GRID2: variants seen among roughly 807,000 people sequenced by gnomAD.
The protein encoded by GRID2 is glutamate ionotropic receptor delta type subunit 2, also known as glutamate receptor ionotropic, delta-2.
Under a neutral mutation model 114.8 loss-of-function variants are expected in GRID2, and 33 were observed. That is an observed-to-expected ratio of 0.29 (90% CI 0.22 to 0.38). The LOEUF is 0.38. Among genes scored for constraint, GRID2 ranks in the 10% least tolerant of loss-of-function variants. The probability of loss-of-function intolerance (pLI) is 1.00; values close to 1 mark genes in which losing one functional copy is unlikely to be tolerated. For missense variants in GRID2, 1,184 were observed against 1,257.7 expected (o/e 0.94, Z 0.89); for synonymous variants, 505 against 449.9 (o/e 1.12, Z -1.55).
chr4:93,160,639 T>A (rs1390736559), intron 4 of GRID2, among the ~76,000 whole-genome samples: 1 of 151,842 alleles, frequency 6.6e-6, no homozygotes, highest in East Asian at 1.9e-4. Flanking sequence ...GAAGATCCCA[T>A]TCCGCTGTCT....
At chr4:92,338,902 T>G (rs1727329625) in intron 1 of GRID2, among the ~76,000 whole-genome samples, 1 of 151,794 alleles carries the variant, frequency 6.6e-6, no homozygotes, top group Admixed American at 6.6e-5. Flanking sequence ...GGACACTCTT[T>G]ATTTTACAGG....
intron 2 of GRID2, among the ~76,000 whole-genome samples, chr4:92,936,042 A>G (rs1323580755): frequency 2.0e-5 from 3 of 146,496 alleles, no homozygotes; most frequent in Non-Finnish European, 4.5e-5. Flanking sequence ...TAATAATAAT[A>G]AAATAAAAAA....
At chr4:92,508,665 A>C (rs1430813643) in intron 1 of GRID2, among the ~76,000 whole-genome samples, 1 of 152,060 alleles carries the variant, frequency 6.6e-6, no homozygotes, top group Non-Finnish European at 1.5e-5. Flanking sequence ...AGGAAAGAAA[A>C]GTTCTAGAAG....
chr4:92,757,067 T>C (rs1560574777), intron 2 of GRID2, among the ~76,000 whole-genome samples: 1 of 152,110 alleles, frequency 6.6e-6, no homozygotes, highest in African/African-American at 2.4e-5. Context: ...TTTCTTCTAG[T>C]AGTTTTATAG....
chr4:92,421,403 A>G (rs963813389), intron 1 of GRID2, among the ~76,000 whole-genome samples: 7 of 152,106 alleles, frequency 4.6e-5, no homozygotes, highest in African/African-American at 7.2e-5. Context: ...AAAGTTTGAG[A>G]AAAGATCACC....
At chr4:92,946,945 G>T (rs539475899) in intron 2 of GRID2, among the ~76,000 whole-genome samples, 21 of 152,074 alleles carry the variant, frequency 1.4e-4, no homozygotes, top group East Asian at 3.9e-4. Flanking sequence ...TATTCCATTG[G>T]TAAAAGGGTA....
intron 4 of GRID2, among the ~76,000 whole-genome samples, chr4:93,155,136 A>G (rs1158027268): frequency 6.6e-6 from 1 of 151,876 alleles, no homozygotes; most frequent in Non-Finnish European, 1.5e-5. Flanking sequence ...TCCTCCTTTT[A>G]GACTAAACTT....
intron 1 of GRID2, among the ~76,000 whole-genome samples, chr4:92,306,486 T>C (rs1014139113): frequency 6.6e-6 from 1 of 152,244 alleles, no homozygotes; most frequent in African/African-American, 2.4e-5. Context: ...TGTAAATGAT[T>C]GGAGCAGGAA....
At chr4:92,849,365 G>T (rs1042257848) in intron 2 of GRID2, among the ~76,000 whole-genome samples, 9 of 151,916 alleles carry the variant, frequency 5.9e-5, no homozygotes, top group African/African-American at 1.7e-4. Context: ...ATTTATAACA[G>T]TTGGTACAGA....
intron 2 of GRID2, among the ~76,000 whole-genome samples, chr4:92,951,045 A>G (rs1194851314): frequency 6.6e-6 from 1 of 152,186 alleles, no homozygotes; most frequent in Non-Finnish European, 1.5e-5. Context: ...TCTTTAACCA[A>G]TTTTCTCTGG....
At chr4:92,463,970 A>T (rs1721621124) in intron 1 of GRID2, among the ~76,000 whole-genome samples, 1 of 150,594 alleles carries the variant, frequency 6.6e-6, no homozygotes, top group Non-Finnish European at 1.5e-5. Flanking sequence ...CTTTTTCTCT[A>T]CTTCTCTTCC....
chr4:92,980,596 G>C (rs1754131942), intron 2 of GRID2, among the ~76,000 whole-genome samples: 1 of 151,984 alleles, frequency 6.6e-6, no homozygotes, highest in South Asian at 2.1e-4. Flanking sequence ...ATTACCCTCT[G>C]TAGTAGACAG....
chr4:93,682,084 G>A (rs1009410214), intron 14 of GRID2, among the ~76,000 whole-genome samples: 12 of 151,556 alleles, frequency 7.9e-5, no homozygotes, highest in African/African-American at 2.9e-4. Flanking sequence ...AAATTTACAA[G>A]AAAATAACAA....
intron 1 of GRID2, among the ~76,000 whole-genome samples, chr4:92,559,088 AT>A (rs1726997723): frequency 6.6e-6 from 1 of 152,210 alleles, no homozygotes; most frequent in African/African-American, 2.4e-5. Context: ...ATTTATGCCA[AT>A]GCCTATAACT....
intron 2 of GRID2, among the ~76,000 whole-genome samples, chr4:92,630,494 A>G (rs767071652): frequency 1.4e-4 from 21 of 152,132 alleles, no homozygotes; most frequent in Admixed American, 1.3e-4. Context: ...TTTGCTACAT[A>G]TGAAAGCTTT....
At chr4:93,134,788 G>A (rs1335719151) in intron 4 of GRID2, among the ~76,000 whole-genome samples, 1 of 152,090 alleles carries the variant, frequency 6.6e-6, no homozygotes, top group African/African-American at 2.4e-5. Flanking sequence ...TTGGGTAGTA[G>A]AGGTCCCTTC....
chr4:93,213,908 G>C (rs1579311332), intron 5 of GRID2, among the ~76,000 whole-genome samples: 1 of 152,062 alleles, frequency 6.6e-6, no homozygotes, highest in Admixed American at 6.6e-5. Context: ...TTGATTCTTA[G>C]TAGTTTTCAA....
chr4:92,762,316 T>C (rs1231678539), intron 2 of GRID2, among the ~76,000 whole-genome samples: 1 of 152,076 alleles, frequency 6.6e-6, no homozygotes, highest in Non-Finnish European at 1.5e-5. Flanking sequence ...CATATAATAG[T>C]GAATGTGTAT....
At chr4:92,993,612 A>G (rs575200107) in intron 2 of GRID2, among the ~76,000 whole-genome samples, 6 of 152,174 alleles carry the variant, frequency 3.9e-5, no homozygotes, top group Non-Finnish European at 5.9e-5. Context: ...TGTTCTTTAC[A>G]TAGGCAATTT....
Sources: gnomAD v4.1 joint callset for allele counts (sites outside exome capture counted in the v4.1 genomes callset) on GRCh38, gnomAD v4.1.1 for gene constraint, MANE v1.5 for transcripts, NCBI Gene and HGNC (gene_info 2026-07-23, HGNC 2026-07-21) for gene names.